RTL9: variants seen among roughly 807,000 people sequenced by gnomAD.
RTL9 encodes the protein retrotransposon Gag like 9.
RTL9 carries 19 observed loss-of-function variants against 44.7 expected under a neutral mutation model. That is an observed-to-expected ratio of 0.42 (90% CI 0.30 to 0.62). RTL9 has a LOEUF of 0.62. Ranked by LOEUF, RTL9 falls within the 20% of genes least tolerant of loss-of-function variation. The pLI, the probability that RTL9 is intolerant of heterozygous loss-of-function variation, is 0.16. For missense variants in RTL9, 1,105 were observed against 1,080.6 expected (o/e 1.02, Z -0.32); for synonymous variants, 407 against 398.9 (o/e 1.02, Z -0.24).
At chrX:110,410,168 A>G (rs1243479309) in intron 1 of RTL9, among the ~76,000 whole-genome samples, 2 of 111,468 alleles carry the variant, frequency 1.8e-5, no homozygotes, top group Non-Finnish European at 3.8e-5. Flanking sequence ...AGAGCAAGTC[A>G]TGGCAGAGTT....
At chrX:110,400,624 A>G (rs1338986399) in intron 1 of RTL9, among the ~76,000 whole-genome samples, 1 of 110,407 alleles carries the variant, frequency 9.1e-6, no homozygotes, top group Non-Finnish European at 1.9e-5. Context: ...CTTGGAATAC[A>G]CTCTCTTTCC....
chrX:110,448,704 G>A (rs1187850238), upstream of RTL9, among the ~76,000 whole-genome samples: 1 of 108,108 alleles, frequency 9.3e-6, no homozygotes, highest in African/African-American at 3.4e-5. Flanking sequence ...TGGCGGGCAG[G>A]GGGGCGTGGC....
chrX:110,376,233 T>G (rs1247711379), intron 1 of RTL9, among the ~76,000 whole-genome samples: 1 of 111,426 alleles, frequency 9.0e-6, no homozygotes, highest in African/African-American at 3.3e-5. Flanking sequence ...GGCTGCCTCC[T>G]GAGCTAATGA....
chrX:110,388,151 G>A (rs1602957587), intron 1 of RTL9, among the ~76,000 whole-genome samples: 1 of 111,766 alleles, frequency 8.9e-6, no homozygotes, highest in East Asian at 2.8e-4. Context: ...ACAGGCGTGA[G>A]CCACCGCCCA....
intron 1 of RTL9, among the ~76,000 whole-genome samples, chrX:110,369,908 C>T (rs954383411): frequency 4.5e-5 from 5 of 111,300 alleles, no homozygotes; most frequent in Non-Finnish European, 7.5e-5. Context: ...TATGAATCTC[C>T]TGAAAGTGCA....
chrX:110,450,961 C>T, exon 1 of RTL9: 1 of 1,212,200 alleles, frequency 8.2e-7, no homozygotes, highest in Middle Eastern at 2.3e-4. Context: ...GCACTGTCCC[C>T]ATTGCTAATG....
intron 1 of RTL9, among the ~76,000 whole-genome samples, chrX:110,383,413 A>G (rs1195388418): frequency 9.0e-6 from 1 of 111,615 alleles, no homozygotes; most frequent in Non-Finnish European, 1.9e-5. Flanking sequence ...AAGTGGCAGA[A>G]TCTTACAGTA....
intron 1 of RTL9, among the ~76,000 whole-genome samples, chrX:110,397,650 C>T (rs2068536782): frequency 9.0e-6 from 1 of 110,960 alleles, no homozygotes; most frequent in African/African-American, 3.3e-5. Context: ...GAGAGAAATA[C>T]CCTGGTTTCT....
At chrX:110,454,656 A>C in exon 1 of RTL9, 2 of 1,184,016 alleles carry the variant, frequency 1.7e-6, no homozygotes, top group Non-Finnish European at 2.3e-6. Flanking sequence ...TCAGCAGCAG[A>C]CTGAGGAGGT....
At chrX:110,400,628 T>C (rs1209746686) in intron 1 of RTL9, among the ~76,000 whole-genome samples, 5 of 111,680 alleles carry the variant, frequency 4.5e-5, no homozygotes, top group South Asian at 3.8e-4. Context: ...GAATACACTC[T>C]CTTTCCTTGT....
At chrX:110,405,091 C>CG (rs1365701602) in intron 1 of RTL9, among the ~76,000 whole-genome samples, 1 of 81,339 alleles carries the variant, frequency 1.2e-5, no homozygotes, top group Non-Finnish European at 2.2e-5. Context: ...TGTTGTGTCC[C>CG]CCCCCCCCCC....
At chrX:110,370,417 C>A (rs954279405) in intron 1 of RTL9, among the ~76,000 whole-genome samples, 6 of 111,057 alleles carry the variant, frequency 5.4e-5, no homozygotes, top group African/African-American at 2.0e-4. Flanking sequence ...CCATGTTGGC[C>A]AGGCTGGTCA....
At chrX:110,411,828 C>T (rs750484599) in intron 1 of RTL9, among the ~76,000 whole-genome samples, 1 of 112,677 alleles carries the variant, frequency 8.9e-6, no homozygotes, top group East Asian at 2.8e-4. Flanking sequence ...ATTTCCTCTG[C>T]TTACATGTTA....
chrX:110,396,144 C>T (rs192961972), intron 1 of RTL9, among the ~76,000 whole-genome samples: 2 of 111,448 alleles, frequency 1.8e-5, no homozygotes, highest in East Asian at 5.6e-4. Context: ...GCCTGGCATC[C>T]AGTATTAGTC....
At chrX:110,402,214 G>A (rs1354605390) in intron 1 of RTL9, among the ~76,000 whole-genome samples, 1 of 113,099 alleles carries the variant, frequency 8.8e-6, no homozygotes, top group Non-Finnish European at 1.9e-5. Context: ...GAAGACAAGA[G>A]CTGCCTTGGC....
intron 1 of RTL9, among the ~76,000 whole-genome samples, chrX:110,433,180 C>A (rs1002336207): frequency 1.8e-5 from 2 of 112,422 alleles, no homozygotes; most frequent in Admixed American, 1.9e-4. Context: ...ACCCTCAAGC[C>A]GAGCCTGACG....
upstream of RTL9, among the ~76,000 whole-genome samples, chrX:110,446,253 G>A (rs936225667): frequency 9.0e-5 from 10 of 111,487 alleles, no homozygotes; most frequent in African/African-American, 3.3e-4. Flanking sequence ...AGGATTTCAA[G>A]TCTTTATCCT....
At chrX:110,368,279 G>A (rs996980575) in intron 1 of RTL9, among the ~76,000 whole-genome samples, 2 of 110,571 alleles carry the variant, frequency 1.8e-5, no homozygotes, top group Admixed American at 9.7e-5. Context: ...AAAACCGTCC[G>A]TGGCCTTTTA....
chrX:110,388,565 A>G (rs2068473773), intron 1 of RTL9, among the ~76,000 whole-genome samples: 2 of 112,017 alleles, frequency 1.8e-5, no homozygotes, highest in Non-Finnish European at 3.8e-5. Context: ...TAGCAGATAT[A>G]GGAAAAGTTA....
Sources: allele counts gnomAD v4.1 joint callset (sites outside exome capture counted in the v4.1 genomes callset), GRCh38; gene constraint gnomAD v4.1.1; transcripts MANE v1.5; gene names NCBI Gene and HGNC (gene_info 2026-07-23, HGNC 2026-07-21).